The following ADCY5 variants were observed in gnomAD, a reference collection of about 807,000 sequenced individuals.
ADCY5 encodes adenylate cyclase 5, also known as adenylate cyclase type 5.
In ADCY5, 30 loss-of-function variants were observed where a neutral mutation model predicts 119.7. The observed-to-expected ratio is 0.25, with a 90% CI of 0.19 to 0.34. The LOEUF (loss-of-function observed/expected upper bound fraction) is 0.34, where lower values mean the gene tolerates loss of function less well. Among genes scored for constraint, ADCY5 ranks in the 10% least tolerant of loss-of-function variants. The pLI is 1.00. For synonymous variants in ADCY5, 753 were observed against 762.2 expected, an observed-to-expected ratio of 0.99 and a Z score of 0.20; for missense variants, 1,324 against 1,775.2, an observed-to-expected ratio of 0.75 and a Z score of 4.57.
rs527703637 is a variant in ADCY5 at position 123,400,922 on chromosome 3, C to T, written c.1134+46490G>A. Among the ~76,000 whole-genome samples the T allele has an allele frequency of 2.0e-5, 3 of 150,200 alleles. No individual in the cohort carries two copies. In the South Asian group the frequency reaches 6.3e-4, roughly 32 times the overall value. ...TCACGCCACTGCACTCCAGCCTGGA[C>T]AAGAACAAAACTCCGTCTCAAAAAA... is the stretch of plus-strand genomic sequence containing the variant. On this transcript the variant is annotated intron_variant, in intron 1 of 20. Transcript: ENST00000462833.
chr3:123,421,045 C>T (rs1157272103), intron 1 of ADCY5, among the ~76,000 whole-genome samples: 1 of 152,114 alleles, frequency 6.6e-6, no homozygotes, highest in Admixed American at 6.5e-5. Flanking sequence ...TTAGGGCCCA[C>T]CCTGATGACA....
Position 123,284,270 on chromosome 3 carries a change from G to T in ADCY5, c.*338C>A, listed in dbSNP as rs1938581258. 3.8e-6 allele frequency: 1 copy of T among 264,548 alleles called. No individual in the cohort carries two copies. Among genetic ancestry groups the T allele is most frequent in the Non-Finnish European group, 7.3e-6 (1 of 136,300 alleles). 16.4% of individuals were successfully genotyped at this position (264,548 alleles called of 1,614,324 possible). A position where few individuals can be genotyped will look rare whatever the true frequency, so the allele number is the denominator to read the frequency against. On this transcript the variant is annotated 3_prime_UTR_variant, in exon 21 of 21. Coordinates refer to ENST00000462833, the MANE Select transcript of ADCY5 (RefSeq NM_183357.3). The stretch of plus-strand genomic sequence containing the variant: ...TCGGAGGCCCCTCAGCCCTGCCCTT[G>T]TCTGGGCCGTGCCACACACACATTC...
chr3:123,332,292 G>C lies in ADCY5; in HGVS notation c.1518+272C>G, dbSNP rs760372355. 2.0e-5 allele frequency among the ~76,000 whole-genome samples: 3 copies of C among 151,566 alleles called. No homozygotes were observed. In the South Asian group the frequency reaches 6.3e-4, roughly 32 times the overall value. On this transcript the variant is annotated intron_variant, in intron 4 of 20. Coordinates refer to ENST00000462833, the MANE Select transcript of ADCY5 (RefSeq NM_183357.3). ...GCAGGCCTCACCACCCGCTTCCAAG[G>C]ATGGGGGGCATGGAGGGCTCCCTAC...
chr3:123,293,693 G>C (rs973659245), intron 17 of ADCY5, among the ~76,000 whole-genome samples: 1 of 152,182 alleles, frequency 6.6e-6, no homozygotes, highest in African/African-American at 2.4e-5. Context: ...GGAAGGCTGG[G>C]AAGAAGCCCG....
intron 18 of ADCY5, 29 bp downstream of exon 18, chr3:123,291,084 C>T: frequency 6.3e-7 from 1 of 1,590,478 alleles, no homozygotes; most frequent in Non-Finnish European, 8.6e-7. Flanking sequence ...CTCCCAGGAA[C>T]ACAGCCTGAC....
intron 12 of ADCY5, among the ~76,000 whole-genome samples, chr3:123,306,015 C>T (rs1331876786): frequency 6.6e-6 from 1 of 152,190 alleles, no homozygotes; most frequent in Non-Finnish European, 1.5e-5. Flanking sequence ...GAGAGCCTCC[C>T]AGGTATGCTC....
At position 123,304,195 on chromosome 3, in the gene ADCY5, G is replaced by A. The variant is rs1211280019; in HGVS notation, c.2443-12C>T. ...GGGGAGGGGAAGAGCTAGGGTGGGG[G>A]CAGGGGTGGAGAGGGAGGGAGGGAG... On this transcript the variant is annotated splice_polypyrimidine_tract_variant and intron_variant, in intron 12 of 20. Coordinates refer to ENST00000462833, the MANE Select transcript of ADCY5 (RefSeq NM_183357.3). The A allele has an allele frequency of 7.9e-7, 1 of 1,266,734 alleles. No homozygotes were observed. The highest frequency in any genetic ancestry group is 1.1e-6 in the Non-Finnish European group (1 of 877,958). 78.5% of individuals were successfully genotyped at this position (1,266,734 alleles called of 1,614,324 possible).
chr3:123,328,896 G>A (rs1022345394), intron 5 of ADCY5, 94 bp from the exon 6 acceptor site: 15 of 1,301,800 alleles, frequency 1.2e-5, no homozygotes, highest in East Asian at 7.5e-5. Context: ...GTGAAGGTGC[G>A]GGGGTCAAAG....
intron 3 of ADCY5, among the ~76,000 whole-genome samples, chr3:123,333,998 C>T (rs34411635): frequency 0.21 from 31,599 of 152,084 alleles, 3,580 homozygotes; most frequent in East Asian, 0.51. Flanking sequence ...GGTGATAGAT[C>T]TTTCACCCGT....
At chr3:123,383,788 C>T (rs1312582355) in intron 1 of ADCY5, among the ~76,000 whole-genome samples, 12 of 152,076 alleles carry the variant, frequency 7.9e-5, no homozygotes. Flanking sequence ...CAGGCACACA[C>T]ACACACATAC....
At chr3:123,379,416 G>A (rs1262466125) in intron 1 of ADCY5, among the ~76,000 whole-genome samples, 6 of 152,258 alleles carry the variant, frequency 3.9e-5, no homozygotes, top group Non-Finnish European at 8.8e-5. Flanking sequence ...CTCCCCTCGA[G>A]GAATGTTTCC....
intron 1 of ADCY5, among the ~76,000 whole-genome samples, chr3:123,441,584 C>T (rs184273292): frequency 6.6e-6 from 1 of 152,272 alleles, no homozygotes; most frequent in East Asian, 1.9e-4. Flanking sequence ...TAATTTAGTC[C>T]CTCTTCTAAT....
At position 123,310,103 on chromosome 3, in the gene ADCY5, T is replaced by TACACACACACACAC. The variant is rs60966110; in HGVS notation, c.2442+4118_2442+4131dup. Among the ~76,000 whole-genome samples the TACACACACACACAC allele has an allele frequency of 9.8e-3, 1,183 of 121,172 alleles. 30 individuals carry two copies. Among genetic ancestry groups the TACACACACACACAC allele is most frequent in the East Asian group, 0.063 (183 of 2,892 alleles). 79.5% of individuals were successfully genotyped at this position (121,172 alleles called of 152,430 possible). On this transcript the variant is annotated intron_variant, in intron 12 of 20. Transcript: ENST00000462833. ...GGCTGGGGGATAAGAGAGAGAGATT[T>TACACACACACACAC]ACACACACACACACACACACACACA... is the stretch of plus-strand genomic sequence containing the variant.
chr3:123,358,367 G>A (rs1943119391), intron 1 of ADCY5, among the ~76,000 whole-genome samples: 1 of 152,200 alleles, frequency 6.6e-6, no homozygotes, highest in Non-Finnish European at 1.5e-5. Flanking sequence ...CACTTTGGGA[G>A]GCCAAGGTGG....
intron 1 of ADCY5, among the ~76,000 whole-genome samples, chr3:123,430,306 C>A (rs1181816322): frequency 6.6e-6 from 1 of 152,196 alleles, no homozygotes; most frequent in African/African-American, 2.4e-5. Context: ...CTCACAGGGA[C>A]AGGCCTCACC....
intron 16 of ADCY5, chr3:123,296,936 G>A: frequency 6.7e-7 from 1 of 1,500,532 alleles, no homozygotes; most frequent in South Asian, 1.2e-5. Flanking sequence ...CCAGGCAGCA[G>A]CCCTCAATGC....
chr3:123,447,991 C>A lies in ADCY5; in HGVS notation c.555G>T (p.Gly185=). 9 of 1,339,938 alleles carry A rather than the reference C, an allele frequency of 6.7e-6. No homozygotes were observed. Among genetic ancestry groups the A allele is most frequent in the Non-Finnish European group, 8.6e-6 (9 of 1,049,022 alleles). The allele number at this position is 1,339,938 out of a possible 1,614,324, so 83.0% of individuals were successfully genotyped here. A position where few individuals can be genotyped will look rare whatever the true frequency, so the allele number is the denominator to read the frequency against. The change falls in exon 1 of 21, where the codon GGG becomes GGT. Residue 185 remains glycine, a synonymous_variant. Transcript: ENST00000462833. ...AGAVEGGEGS[G]DGGSSADSGS... is the part of the protein sequence containing the mutation. The stretch of plus-strand genomic sequence containing the variant: ...CCGAGTCCGCCGAGCTGCCGCCATC[C>A]CCGGACCCCTCGCCGCCCTCGACGG...
At chr3:123,386,763 C>A (rs1342902850) in intron 1 of ADCY5, among the ~76,000 whole-genome samples, 4 of 152,078 alleles carry the variant, frequency 2.6e-5, no homozygotes, top group Non-Finnish European at 5.9e-5. Flanking sequence ...AACTTTCTTC[C>A]CACGCTGCCT....
chr3:123,400,214 C>CT (rs1360842423), intron 1 of ADCY5, among the ~76,000 whole-genome samples: 4 of 152,216 alleles, frequency 2.6e-5, no homozygotes, highest in Non-Finnish European at 5.9e-5. Context: ...TCCCAAGTAA[C>CT]TGCATGCCCT....
Sources: gnomAD v4.1 joint callset for allele counts (sites outside exome capture counted in the v4.1 genomes callset) on GRCh38, gnomAD v4.1.1 for gene constraint, MANE v1.5 for transcripts, NCBI Gene and HGNC (gene_info 2026-07-23, HGNC 2026-07-21) for gene names.